GDPD4: variants seen among roughly 807,000 people sequenced by gnomAD.
GDPD4 encodes the protein glycerophosphodiester phosphodiesterase domain containing 4.
A neutral mutation model predicts 67.8 loss-of-function variants in GDPD4; 60 were observed. The ratio of observed to expected loss-of-function variants is 0.88; its 90% CI spans 0.72 to 1.10. The LOEUF (loss-of-function observed/expected upper bound fraction) is 1.10. Ranked by LOEUF, GDPD4 falls within the 50% of genes least tolerant of loss-of-function variation. GDPD4 has a pLI of 0.00. For synonymous variants in GDPD4, 212 were observed against 210.9 expected (o/e 1.00, Z -0.04); for missense variants, 623 against 613.9 (o/e 1.01, Z -0.16).
Position 77,245,424 on chromosome 11 carries a change from C to A in GDPD4, c.943G>T (p.Ala315Ser). The change falls in exon 12 of 17, where the codon GCT becomes TCT. Residue 315 changes from alanine (A) to serine (S), a missense_variant. Coordinates refer to ENST00000315938, the MANE Select transcript of GDPD4 (RefSeq NM_182833.3). ...RARNQSIPTL[A>S]DLLTLAEKER... is the part of the protein sequence containing the mutation. ...TTCTCTGCAAGTGTCAATAAATCAGCTAGTGTTGGAATTGACTGATTTCTT... is the reference window on the plus strand; with the variant it reads ...TTCTCTGCAAGTGTCAATAAATCAGATAGTGTTGGAATTGACTGATTTCTT... 6.2e-7 allele frequency: 1 copy of A among 1,614,068 alleles called. No individual in the cohort carries two copies.
At chr11:77,279,281 G>A in intron 4 of GDPD4, 25 bp downstream of exon 4, 1 of 1,465,166 alleles carries the variant, frequency 6.8e-7, no homozygotes, top group South Asian at 1.1e-5. Context: ...GGAAGGGAGT[G>A]GAAGAAATGA....
intron 3 of GDPD4, among the ~76,000 whole-genome samples, chr11:77,284,560 T>A (rs1959909062): frequency 6.6e-6 from 1 of 152,042 alleles, no homozygotes; most frequent in Non-Finnish European, 1.5e-5. Context: ...TTAGAAGACA[T>A]CAAGCCAGAA....
intron 10 of GDPD4, among the ~76,000 whole-genome samples, chr11:77,265,414 T>C (rs757472426): frequency 2.6e-5 from 4 of 152,146 alleles, no homozygotes; most frequent in Non-Finnish European, 4.4e-5. Flanking sequence ...CATCTTCTGA[T>C]TTTAGAATCA....
chr11:77,218,950 C>T (rs1565501589), intron 16 of GDPD4, among the ~76,000 whole-genome samples: 2 of 152,154 alleles, frequency 1.3e-5, no homozygotes, highest in African/African-American at 4.8e-5. Flanking sequence ...GTTCTAGATC[C>T]TCGAGGAATC....
At chr11:77,284,333 T>C (rs1321282342) in intron 3 of GDPD4, among the ~76,000 whole-genome samples, 1 of 152,188 alleles carries the variant, frequency 6.6e-6, no homozygotes, top group Non-Finnish European at 1.5e-5. Flanking sequence ...ATGAGCATAA[T>C]ATAAAAATAA....
At chr11:77,223,617 G>A (rs1958269095) in intron 16 of GDPD4, among the ~76,000 whole-genome samples, 1 of 152,032 alleles carries the variant, frequency 6.6e-6, no homozygotes, top group Non-Finnish European at 1.5e-5. Flanking sequence ...GGCCTCTACT[G>A]GGCGGTGTCT....
intron 9 of GDPD4, 24 bp from the exon 10 acceptor site, chr11:77,268,563 C>G: frequency 6.5e-7 from 1 of 1,541,492 alleles, no homozygotes; most frequent in Non-Finnish European, 9.0e-7. Flanking sequence ...GGACATCAGG[C>G]CCTAAGCCTC....
intron 14 of GDPD4, among the ~76,000 whole-genome samples, chr11:77,231,185 C>T (rs1958447016): frequency 1.3e-5 from 2 of 152,188 alleles, no homozygotes; most frequent in African/African-American, 4.8e-5. Context: ...TAAAAGCTAA[C>T]TGATAAAGTG....
intron 16 of GDPD4, among the ~76,000 whole-genome samples, chr11:77,220,927 G>C (rs957284511): frequency 1.3e-5 from 2 of 152,114 alleles, no homozygotes; most frequent in African/African-American, 4.8e-5. Context: ...GAATTCGGGT[G>C]GGTAACCCGA....
At chr11:77,285,902 G>C (rs1959974118) in intron 2 of GDPD4, among the ~76,000 whole-genome samples, 1 of 152,158 alleles carries the variant, frequency 6.6e-6, no homozygotes, top group African/African-American at 2.4e-5. Context: ...TTCTCTGAAG[G>C]CAAAGAAGTC....
chr11:77,243,403 GA>G (rs1393808575), intron 13 of GDPD4, among the ~76,000 whole-genome samples: 4 of 151,844 alleles, frequency 2.6e-5, no homozygotes, highest in Admixed American at 2.0e-4. Flanking sequence ...TATAAGAACA[GA>G]AATGCCAAGC....
intron 11 of GDPD4, among the ~76,000 whole-genome samples, chr11:77,255,868 A>AAAAT (rs1958994270): frequency 6.6e-6 from 1 of 152,178 alleles, no homozygotes; most frequent in Non-Finnish European, 1.5e-5. Context: ...CTCTGTCTCA[A>AAAAT]AAATAAATAA....
chr11:77,272,355 A>G (rs527609257), intron 5 of GDPD4, among the ~76,000 whole-genome samples: 1 of 152,346 alleles, frequency 6.6e-6, no homozygotes, highest in East Asian at 1.9e-4. Flanking sequence ...ACCTATTAGG[A>G]AAAACTAAAT....
At chr11:77,255,548 T>C (rs1040389629) in intron 11 of GDPD4, among the ~76,000 whole-genome samples, 10 of 151,746 alleles carry the variant, frequency 6.6e-5, no homozygotes, top group African/African-American at 2.2e-4. Flanking sequence ...TGGGTGACAG[T>C]GAAACTCCGT....
intron 13 of GDPD4, among the ~76,000 whole-genome samples, chr11:77,239,943 C>T (rs1019635256): frequency 4.9e-5 from 7 of 143,464 alleles, no homozygotes; most frequent in Admixed American, 7.2e-5. Context: ...GCCTAGATGA[C>T]GGAGCAAGAC....
intron 13 of GDPD4, among the ~76,000 whole-genome samples, chr11:77,240,249 G>T (rs754881288): frequency 1.3e-5 from 2 of 152,086 alleles, no homozygotes; most frequent in Non-Finnish European, 2.9e-5. Context: ...ACATTATAAA[G>T]ATGTGATAAT....
Position 77,271,288 on chromosome 11 carries a change from T to A in GDPD4, c.306+7A>T, listed in dbSNP as rs200220490. On this transcript the variant is annotated splice_region_variant and intron_variant, in intron 6 of 16. Coordinates refer to ENST00000315938, the MANE Select transcript of GDPD4 (RefSeq NM_182833.3). ...AGCTAGTGCTGGAGCTATAGGATGA[T>A]GCTTACCTGCATTGACAGCCCAGCT... 6.2e-7 allele frequency: 1 copy of A among 1,611,680 alleles called. No individual in the cohort carries two copies. Among genetic ancestry groups the A allele is most frequent in the Admixed American group, 1.7e-5 (1 of 60,026 alleles).
intron 5 of GDPD4, among the ~76,000 whole-genome samples, chr11:77,272,418 C>T (rs1959257430): frequency 6.6e-6 from 1 of 152,114 alleles, no homozygotes; most frequent in Non-Finnish European, 1.5e-5. Context: ...ACAGATCTTA[C>T]CCAACACCAA....
intron 3 of GDPD4, among the ~76,000 whole-genome samples, chr11:77,280,406 GA>G (rs558022377): frequency 3.2e-4 from 47 of 146,842 alleles, no homozygotes; most frequent in Non-Finnish European, 3.6e-4. Context: ...CAGAGATCTT[GA>G]AAAAAAATTT....
Sources: gnomAD v4.1 joint callset for allele counts (sites outside exome capture counted in the v4.1 genomes callset) on GRCh38, gnomAD v4.1.1 for gene constraint, MANE v1.5 for transcripts, NCBI Gene and HGNC (gene_info 2026-07-23, HGNC 2026-07-21) for gene names.